Variants in EMC1 observed in about 807,000 individuals in gnomAD.
EMC1 encodes the protein ER membrane protein complex subunit 1.
EMC1 carries 103 observed loss-of-function variants against 128.8 expected under a neutral mutation model. That is an observed-to-expected ratio of 0.80 (90% confidence interval 0.68 to 0.94). The LOEUF is 0.94. Ranked by LOEUF, EMC1 falls within the 40% of genes least tolerant of loss-of-function variation. The pLI, the probability that EMC1 is intolerant of heterozygous loss-of-function variation, is 0.00. For synonymous variants in EMC1, 442 were observed against 490.4 expected (o/e 0.90, Z 1.30); for missense variants, 1,083 against 1,250.6 (o/e 0.87, Z 2.02).
chr1:19,240,158 A>G lies in EMC1; in HGVS notation c.786+139T>C, dbSNP rs919051481. ...AGGAAAGTGACTGATTTCCTCTTAC[A>G]CCAGTTCAGCCAGAGGCCTGAATGG... On this transcript the variant is annotated intron_variant, in intron 7 of 22. Coordinates refer to ENST00000477853, the MANE Select transcript of EMC1 (RefSeq NM_015047.3). The G allele has an allele frequency of 4.8e-6, 6 of 1,240,212 alleles. No individual in the cohort carries two copies. The Admixed American group carries it at 7.0e-5, about 15-fold the overall frequency. 76.8% of individuals were successfully genotyped at this position (1,240,212 alleles called of 1,614,324 possible). A position where few individuals can be genotyped will look rare whatever the true frequency, so the allele number is the denominator to read the frequency against.
rs1478232018 is a variant in EMC1, at chr1:19,216,369, G to A, written c.*2934C>T. 1 of 152,120 alleles carries A rather than the reference G, an allele frequency of 6.6e-6. No individual in the cohort carries two copies. Among genetic ancestry groups the A allele is most frequent in the African/African-American group, 2.4e-5 (1 of 41,428 alleles). The allele number at this position is 152,120 out of a possible 1,614,324, so 9.4% of individuals were successfully genotyped here. On this transcript the variant is annotated 3_prime_UTR_variant, in exon 23 of 23. Coordinates refer to ENST00000477853, the MANE Select transcript of EMC1 (RefSeq NM_015047.3). ...TTCAGATTAGATAGCTTACATTAAA[G>A]TCTCTAACACTTAAATTAGGAATTG... is the stretch of plus-strand genomic sequence containing the variant.
Position 19,231,278 on chromosome 1 carries a change from T to A in EMC1, c.1927A>T (p.Ile643Leu), listed in dbSNP as rs776192703. ...DQDYAKVLLLIDDEYKVTAFP... is the reference protein window; with the variant it reads ...DQDYAKVLLLLDDEYKVTAFP... ...GACAGTACCTTGTATTCATCATCTA[T>A]CAACAGCAACACCTTGGCGTAGTCT... Residue 643 changes from isoleucine to leucine, a missense_variant, in exon 16 of 23, where the codon ATA becomes TTA. Physicochemically the swap from Ile to Leu is conservative, Grantham distance 5. Around this residue, in one of 3 missense-constraint regions of EMC1, gnomAD observed 527 missense variants for 644.1 expected, o/e 0.82. Transcript: ENST00000477853. 5 of 1,601,766 alleles carry A rather than the reference T, an allele frequency of 3.1e-6. No homozygotes were observed. The Admixed American group carries it at 9.1e-5, about 29-fold the overall frequency.
At chr1:19,219,732 C>A (rs1360008447) in intron 21 of EMC1, 34 bp from the exon 22 acceptor site, 2 of 1,613,356 alleles carry the variant, frequency 1.2e-6, no homozygotes, top group Non-Finnish European at 1.7e-6. Context: ...GCAGTCTGAG[C>A]ACTGCTGTAA....
intron 1 of EMC1, among the ~76,000 whole-genome samples, chr1:19,249,757 T>C (rs1241130716): frequency 6.6e-6 from 1 of 151,390 alleles, no homozygotes; most frequent in Admixed American, 6.6e-5. Context: ...AAACCCCGTC[T>C]CTACAAAAAA....
At chr1:19,220,877 C>A (rs757043570) in intron 20 of EMC1, 29 bp from the exon 21 acceptor site, 1 of 1,515,560 alleles carries the variant, frequency 6.6e-7, no homozygotes, top group Non-Finnish European at 9.1e-7. Context: ...ATGTTCACAC[C>A]GATCCAGTGT....
chr1:19,221,151 C>T (rs570573525), intron 20 of EMC1: 1 of 218,520 alleles, frequency 4.6e-6, no homozygotes, highest in Non-Finnish European at 9.2e-6. Flanking sequence ...TCATGCCTCT[C>T]CCCGGGGCCT....
Position 19,219,131 on chromosome 1 carries a change from C to T in EMC1, c.*172G>A, listed in dbSNP as rs1431965506. Reference sequence around the variant, plus strand: ...CTCTCTCCATGTAGGATCCTTTCTGCATCATGTATATCCCAAAAGGAGTTC... The same window carrying T: ...CTCTCTCCATGTAGGATCCTTTCTGTATCATGTATATCCCAAAAGGAGTTC... On this transcript the variant is annotated 3_prime_UTR_variant, in exon 23 of 23. Transcript: ENST00000477853. The T allele has an allele frequency of 1.6e-6, 1 of 616,298 alleles. No individual in the cohort carries two copies. Among genetic ancestry groups the T allele is most frequent in the Middle Eastern group, 4.4e-4 (1 of 2,276 alleles). 38.2% of individuals were successfully genotyped at this position (616,298 alleles called of 1,614,324 possible).
At position 19,239,355 on chromosome 1, in the gene EMC1, G is replaced by C. The variant is rs910720384; in HGVS notation, c.955-53C>G. 1.2e-5 allele frequency: 18 copies of C among 1,512,878 alleles called. No homozygotes were observed. In the East Asian group the frequency reaches 3.9e-4, roughly 32 times the overall value. 93.7% of individuals were successfully genotyped at this position (1,512,878 alleles called of 1,614,324 possible). ...TAAATGGGACCAGTACTAGCCAGCT[G>C]CCTTACAGAGGGTCACCTCTCCAGG... On this transcript the variant is annotated intron_variant, in intron 8 of 22. Transcript: ENST00000477853.
chr1:19,240,550 C>T (rs926263676), intron 6 of EMC1, 104 bp from the exon 7 acceptor site: 26 of 1,292,084 alleles, frequency 2.0e-5, no homozygotes, highest in Non-Finnish European at 2.8e-5. Context: ...GGGTCCTAAG[C>T]TCAAAGGTTC....
Position 19,239,242 on chromosome 1 carries a change from G to A in EMC1, c.1015C>T (p.Arg339Trp), listed in dbSNP as rs540043483. ...EKTVAAVMAC[R>W]NEVQKSSSSE... Reference sequence around the variant, plus strand: ...TTCTCAATACTCACCACTTCATTCCGACAGGCCATGACTGCAGCCACCGTC... The same window carrying A: ...TTCTCAATACTCACCACTTCATTCCAACAGGCCATGACTGCAGCCACCGTC... The change falls in exon 9 of 23, where the codon CGG (arginine) becomes TGG (tryptophan). Residue 339 changes from arginine (R) to tryptophan (W), a missense_variant. Arg to Trp is a moderately radical substitution (Grantham distance 101). Around this residue, in one of 3 missense-constraint regions of EMC1, gnomAD observed 544 missense variants for 572.4 expected, o/e 0.95. Transcript: ENST00000477853. 76 of 1,613,870 alleles carry A rather than the reference G, an allele frequency of 4.7e-5. No homozygotes were observed. Among genetic ancestry groups the A allele is most frequent in the African/African-American group, 1.3e-4 (10 of 74,986 alleles).
Position 19,244,377 on chromosome 1 carries a change from G to A in EMC1, c.221-362C>T, listed in dbSNP as rs796862241. ...TAGGTAATTAAGTGAGGGTATCTGAGAGTTTACTGCAAAGTAGAATAATGT... is the reference window on the plus strand; with the variant it reads ...TAGGTAATTAAGTGAGGGTATCTGAAAGTTTACTGCAAAGTAGAATAATGT... On this transcript the variant is annotated intron_variant, in intron 2 of 22. Transcript: ENST00000477853. 2.4e-4 allele frequency among the ~76,000 whole-genome samples: 36 copies of A among 152,294 alleles called. 1 individual carries two copies. The highest frequency in any genetic ancestry group is 8.7e-4 in the African/African-American group (36 of 41,568).
chr1:19,223,746 C>A (rs1232761369), intron 18 of EMC1, among the ~76,000 whole-genome samples, 177 bp from the exon 19 acceptor site: 1 of 152,198 alleles, frequency 6.6e-6, no homozygotes, highest in Non-Finnish European at 1.5e-5. Flanking sequence ...GCATTGGGTA[C>A]TGGGTGCCAT....
rs757795052 is a variant in EMC1, at chr1:19,238,098, T to C, written c.1131A>G (p.Leu377=). The change falls in exon 11 of 23, where the codon CTA becomes CTG. Residue 377 remains leucine (L), a synonymous_variant. Transcript: ENST00000477853. ...ACFNQTYTIN[L]YLVETGRRLL... ...GCCGCCGACCTGTCTCCACGAGGTA[T>C]AGGTTAATGGTGTAGGTCTGATTGA... 8.7e-6 allele frequency: 14 copies of C among 1,614,152 alleles called. No homozygotes were observed. The highest frequency in any genetic ancestry group is 1.7e-5 in the Admixed American group (1 of 60,006).
intron 17 of EMC1, among the ~76,000 whole-genome samples, chr1:19,229,663 A>G (rs2093505314): frequency 6.6e-6 from 1 of 152,188 alleles, no homozygotes; most frequent in Non-Finnish European, 1.5e-5. Flanking sequence ...TGGGCAGACC[A>G]TTTCCAGTGC....
chr1:19,246,153 G>A (rs1572032670), intron 1 of EMC1, among the ~76,000 whole-genome samples: 3 of 152,172 alleles, frequency 2.0e-5, no homozygotes, highest in East Asian at 3.9e-4. Context: ...CACTTTGGGA[G>A]GCCAAGGTGG....
chr1:19,242,371 G>A lies in EMC1; in HGVS notation c.483C>T (p.Leu161=), dbSNP rs751098290. 6.2e-7 allele frequency: 1 copy of A among 1,614,174 alleles called. No individual in the cohort carries two copies. Among genetic ancestry groups the A allele is most frequent in the Non-Finnish European group, 8.5e-7 (1 of 1,180,022 alleles). Residue 161 remains leucine, a synonymous_variant, in exon 5 of 23, where the codon CTC becomes CTT. Coordinates refer to ENST00000477853, the MANE Select transcript of EMC1 (RefSeq NM_015047.3). ...LALHHLSSGH[L]KWVEHLPESD... is the part of the protein sequence containing the mutation. ...TTTCTGGGAGATGTTCCACCCACTT[G>A]AGGTGCCCACTGGAGAGGTGATGGA... is the stretch of plus-strand genomic sequence containing the variant.
chr1:19,249,191 ATAGTC>A (rs2093645562), intron 1 of EMC1, among the ~76,000 whole-genome samples: 1 of 152,208 alleles, frequency 6.6e-6, no homozygotes, highest in Non-Finnish European at 1.5e-5. Context: ...TAAATTTAGT[ATAGTC>A]TAAATGCACA....
intron 17 of EMC1, among the ~76,000 whole-genome samples, chr1:19,227,927 C>A (rs565949090): frequency 6.6e-5 from 10 of 151,994 alleles, no homozygotes; most frequent in Admixed American, 6.6e-4. Flanking sequence ...GATACTAGAC[C>A]GGGCGTGGTG....
At chr1:19,237,871 T>C (rs2093577701) in intron 11 of EMC1, 146 bp downstream of exon 11, 1 of 1,039,368 alleles carries the variant, frequency 9.6e-7, no homozygotes. Context: ...TACTGTGACT[T>C]CTAACAAGTC....
Sources: allele counts gnomAD v4.1 joint callset (sites outside exome capture counted in the v4.1 genomes callset), GRCh38; gene constraint gnomAD v4.1.1; regional missense constraint gnomAD v4.1.1; transcripts MANE v1.5; gene names NCBI Gene and HGNC (gene_info 2026-07-23, HGNC 2026-07-21).